ZNF486: variants seen among roughly 807,000 people sequenced by gnomAD.
The protein encoded by ZNF486 is KRAB box only protein 2.
In ZNF486, 12 loss-of-function variants were observed where a neutral mutation model predicts 12.8. The ratio of observed to expected loss-of-function variants is 0.94; its 90% CI spans 0.60 to 1.52. The LOEUF is 1.52. Ranked by LOEUF, ZNF486 falls within the 40% of genes most tolerant of loss-of-function variation. The pLI is 0.00. For synonymous variants in ZNF486, 231 were observed against 184.9 expected, an observed-to-expected ratio of 1.25 and a Z score of -2.02; for missense variants, 738 against 545.0, an observed-to-expected ratio of 1.35 and a Z score of -3.53.
At chr19:20,193,935 G>A (rs1358410681) in intron 3 of ZNF486, among the ~76,000 whole-genome samples, 2 of 151,892 alleles carry the variant, frequency 1.3e-5, no homozygotes, top group Non-Finnish European at 2.9e-5. Flanking sequence ...CAATATATTT[G>A]AATGTGGTAA....
At chr19:20,196,893 A>C (rs1555718040) in intron 3 of ZNF486, 71 bp from the exon 4 acceptor site, 3 of 1,466,316 alleles carry the variant, frequency 2.0e-6, no homozygotes, top group Non-Finnish European at 2.7e-6. Context: ...ATAATTTTAT[A>C]GGTTAGATTT....
rs1343700748 is a variant in ZNF486 at position 20,184,400 on chromosome 19, G to A, written c.75G>A (p.Glu25=). The part of the protein sequence containing the change: ...FRDVAVEFSL[E]EWHCLDTAQQ... ...ATGTGGCTGTAGAATTCTCTCTGGAGGAGTGGCATTGCCTGGACACTGCAC... is the reference window on the plus strand; with the variant it reads ...ATGTGGCTGTAGAATTCTCTCTGGAAGAGTGGCATTGCCTGGACACTGCAC... The change falls in exon 2 of 4, where the codon GAG becomes GAA. Residue 25 remains glutamate, a synonymous_variant. Transcript: ENST00000335117. 2 of 1,613,564 alleles carry A rather than the reference G, an allele frequency of 1.2e-6. No individual in the cohort carries two copies. The highest frequency in any genetic ancestry group is 1.1e-5 in the South Asian group (1 of 91,054).
chr19:20,195,464 G>C (rs1249510454), intron 3 of ZNF486, among the ~76,000 whole-genome samples: 1 of 152,104 alleles, frequency 6.6e-6, no homozygotes, highest in Admixed American at 6.5e-5. Context: ...CACCAACAGT[G>C]GGATGTTCAA....
chr19:20,183,226 GGATACTCAA>G lies in ZNF486; in HGVS notation c.31-1126_31-1118del, dbSNP rs557915871. Among the ~76,000 whole-genome samples, 4 of 152,246 alleles carry G rather than the reference GGATACTCAA, an allele frequency of 2.6e-5. No homozygotes were observed. The East Asian group carries it at 7.7e-4, about 29-fold the overall frequency. ...GTGGCTGTTGAACATGGAAAGATGTGGATACTCAAGATTTCTGTTGGGGAAAATTGTGGT... is the reference window on the plus strand; with the variant it reads ...GTGGCTGTTGAACATGGAAAGATGTGGATTTCTGTTGGGGAAAATTGTGGT... On this transcript the variant is annotated intron_variant, in intron 1 of 3. Coordinates refer to ENST00000335117, the MANE Select transcript of ZNF486 (RefSeq NM_052852.4).
At position 20,198,877 on chromosome 19, in the gene ZNF486, A is replaced by G. The variant is rs1555718519; in HGVS notation, c.*775A>G. The G allele has an allele frequency of 6.6e-6, 1 of 152,452 alleles. No homozygotes were observed. The highest frequency in any genetic ancestry group is 1.9e-4 in the East Asian group (1 of 5,202). 9.4% of individuals were successfully genotyped at this position (152,452 alleles called of 1,614,324 possible). On this transcript the variant is annotated 3_prime_UTR_variant, in exon 4 of 4. Coordinates refer to ENST00000335117, the MANE Select transcript of ZNF486 (RefSeq NM_052852.4). ...ATAATTCATGGTGAAGAGGAACTTT[A>G]CAAACCTGAAAGATGTGACAGTGCT... is the stretch of plus-strand genomic sequence containing the variant.
intron 1 of ZNF486, among the ~76,000 whole-genome samples, chr19:20,180,633 A>G (rs1289021844): frequency 6.6e-6 from 1 of 152,162 alleles, no homozygotes; most frequent in African/African-American, 2.4e-5. Flanking sequence ...GAGTGCAGTG[A>G]CATGATCTTG....
rs891801215 is a variant in ZNF486 at position 20,192,070 on chromosome 19, A to G, written c.254-4894A>G. On this transcript the variant is annotated intron_variant, in intron 3 of 3. Transcript: ENST00000335117. Reference sequence around the variant, plus strand: ...CTGGTAAATTAACTCACTTTACCATAATATAATATCATTCTTTGTCTAATG... The same window carrying G: ...CTGGTAAATTAACTCACTTTACCATGATATAATATCATTCTTTGTCTAATG... Among the ~76,000 whole-genome samples the G allele has an allele frequency of 2.0e-5, 3 of 152,292 alleles. No individual in the cohort carries two copies. In the East Asian group the frequency reaches 5.8e-4, roughly 29 times the overall value.
intron 3 of ZNF486, among the ~76,000 whole-genome samples, chr19:20,187,177 C>G (rs1470318152): frequency 1.1e-4 from 16 of 151,808 alleles, no homozygotes; most frequent in Admixed American, 1.3e-4. Context: ...TTTTTTCTTC[C>G]TCTATTTTAT....
chr19:20,176,606 C>G (rs1234045351), intron 1 of ZNF486: 1 of 167,204 alleles, frequency 6.0e-6, no homozygotes, highest in Non-Finnish European at 1.3e-5. Flanking sequence ...GCGGATCACT[C>G]GCGGTTAGGA....
At chr19:20,170,568 C>A (rs774260276) in intron 1 of ZNF486, among the ~76,000 whole-genome samples, 125 of 151,084 alleles carry the variant, frequency 8.3e-4, no homozygotes, top group Non-Finnish European at 1.7e-3. Context: ...AGTGAGACTT[C>A]ATCACAAGAA....
chr19:20,181,132 C>A (rs1221543137), intron 1 of ZNF486, among the ~76,000 whole-genome samples: 1 of 152,180 alleles, frequency 6.6e-6, no homozygotes, highest in Non-Finnish European at 1.5e-5. Flanking sequence ...TCTGACCCTA[C>A]CCTGGAGTCT....
intron 1 of ZNF486, among the ~76,000 whole-genome samples, chr19:20,170,194 G>T (rs1332985377): frequency 6.6e-6 from 1 of 151,792 alleles, no homozygotes; most frequent in Non-Finnish European, 1.5e-5. Context: ...ACCGCGCCCG[G>T]CCAAAATGGG....
intron 1 of ZNF486, among the ~76,000 whole-genome samples, chr19:20,181,031 A>G (rs1211975768): frequency 1.3e-5 from 2 of 152,150 alleles, no homozygotes; most frequent in Non-Finnish European, 2.9e-5. Context: ...AACTGGAAGT[A>G]CCCCAGTGGC....
chr19:20,184,389 TTC>T lies in ZNF486; in HGVS notation c.70_71del (p.Leu24GlyfsTer15), dbSNP rs1555716014. ...GCAATTTAGAGATGTGGCTGTAGAA[TTC>T]TCTCTGGAGGAGTGGCATTGCCTGG... ...SLQFRDVAVE[F>X]SLEEWHCLDT... On this transcript the variant is annotated frameshift_variant, in exon 2 of 4. Coordinates refer to ENST00000335117, the MANE Select transcript of ZNF486 (RefSeq NM_052852.4). LOFTEE classifies it high-confidence loss of function. 1 of 1,613,496 alleles carries T rather than the reference TTC, an allele frequency of 6.2e-7. No homozygotes were observed. Among genetic ancestry groups the T allele is most frequent in the Admixed American group, 1.7e-5 (1 of 59,972 alleles).
chr19:20,173,254 G>A (rs1188759088), intron 1 of ZNF486, among the ~76,000 whole-genome samples: 1 of 152,088 alleles, frequency 6.6e-6, no homozygotes, highest in Non-Finnish European at 1.5e-5. Flanking sequence ...GTGTAACGAA[G>A]GGGTCCAGCT....
Position 20,186,102 on chromosome 19 carries a change from A to G in ZNF486, c.253+20A>G. 1 of 1,560,896 alleles carries G rather than the reference A, an allele frequency of 6.4e-7. No individual in the cohort carries two copies. The highest frequency in any genetic ancestry group is 1.2e-5 in the South Asian group (1 of 82,194). On this transcript the variant is annotated intron_variant, in intron 3 of 3. Transcript: ENST00000335117. ...CCCCAGGTAGGTGCGAATGAAAATGAACACAACAGACAATGCAGATAAGAG... is the reference window on the plus strand; with the variant it reads ...CCCCAGGTAGGTGCGAATGAAAATGGACACAACAGACAATGCAGATAAGAG...
intron 1 of ZNF486, among the ~76,000 whole-genome samples, chr19:20,180,034 T>A (rs2089767563): frequency 6.6e-6 from 1 of 152,244 alleles, no homozygotes; most frequent in Admixed American, 6.5e-5. Flanking sequence ...TGTTTTCTAT[T>A]CAGAATCAGC....
intron 1 of ZNF486, among the ~76,000 whole-genome samples, chr19:20,171,663 A>T (rs931220645): frequency 6.6e-6 from 1 of 152,348 alleles, no homozygotes; most frequent in East Asian, 1.9e-4. Flanking sequence ...ATCTGTAGTG[A>T]AAATCATTCC....
chr19:20,196,430 G>A (rs1364331215), intron 3 of ZNF486, among the ~76,000 whole-genome samples: 1 of 152,202 alleles, frequency 6.6e-6, no homozygotes, highest in Non-Finnish European at 1.5e-5. Context: ...CTGGGTTCAA[G>A]AAATTCTCAT....
Sources: allele counts gnomAD v4.1 joint callset (sites outside exome capture counted in the v4.1 genomes callset), GRCh38; gene constraint gnomAD v4.1.1; transcripts MANE v1.5; gene names NCBI Gene and HGNC (gene_info 2026-07-23, HGNC 2026-07-21).